The following PARP8 variants were observed in gnomAD, a reference collection of about 807,000 sequenced individuals.
PARP8 encodes the protein poly(ADP-ribose) polymerase family member 8.
A neutral mutation model predicts 124.1 loss-of-function variants in PARP8; 51 were observed. The observed-to-expected ratio is 0.41, with a 90% CI of 0.33 to 0.52. The LOEUF is 0.52. Among genes scored for constraint, PARP8 ranks in the 20% least tolerant of loss-of-function variants. The pLI, the probability that PARP8 is intolerant of heterozygous loss-of-function variation, is 0.21. For synonymous variants in PARP8, 391 were observed against 361.5 expected (o/e 1.08, Z -0.93); for missense variants, 860 against 1,018.9 (o/e 0.84, Z 2.12).
chr5:50,786,368 T>A (rs1355977568), intron 9 of PARP8, among the ~76,000 whole-genome samples: 1 of 151,836 alleles, frequency 6.6e-6, no homozygotes, highest in Non-Finnish European at 1.5e-5. Flanking sequence ...AATCTTTTTT[T>A]TTTCTTTTTT....
chr5:50,842,417 C>T lies in PARP8; in HGVS notation c.*349C>T, dbSNP rs916086868. The T allele has an allele frequency of 5.3e-6, 1 of 189,274 alleles. No individual in the cohort carries two copies. Among genetic ancestry groups the T allele is most frequent in the African/African-American group, 2.4e-5 (1 of 41,568 alleles). The allele number at this position is 189,274 out of a possible 1,614,324, so 11.7% of individuals were successfully genotyped here. A position where few individuals can be genotyped will look rare whatever the true frequency, so the allele number is the denominator to read the frequency against. On this transcript the variant is annotated 3_prime_UTR_variant, in exon 26 of 26. Coordinates refer to ENST00000281631, the MANE Select transcript of PARP8 (RefSeq NM_024615.4). The stretch of plus-strand genomic sequence containing the variant: ...ATTATATACCGACATTTTAGGTTAC[C>T]AAAATAGAATTGAGAACATTTTATA...
chr5:50,833,733 AG>A (rs952680741), intron 23 of PARP8, among the ~76,000 whole-genome samples: 4 of 152,140 alleles, frequency 2.6e-5, no homozygotes, highest in African/African-American at 9.7e-5. Flanking sequence ...CTGTGTTGTA[AG>A]ATTATTGAAC....
chr5:50,670,172 A>T (rs1749844037), intron 2 of PARP8, among the ~76,000 whole-genome samples: 1 of 152,226 alleles, frequency 6.6e-6, no homozygotes, highest in African/African-American at 2.4e-5. Flanking sequence ...CTCTTAAAAT[A>T]ATCTTGCTGT....
rs368488915 is a variant in PARP8, at chr5:50,826,736, T to G, written c.1929-19T>G. The G allele has an allele frequency of 6.3e-7, 1 of 1,577,412 alleles. No homozygotes were observed. The highest frequency in any genetic ancestry group is 1.4e-5 in the African/African-American group (1 of 72,150). On this transcript the variant is annotated intron_variant, in intron 18 of 25. Coordinates refer to ENST00000281631, the MANE Select transcript of PARP8 (RefSeq NM_024615.4). ...ATATTTGGCATGTATTTGTGACTAA[T>G]GGATCATTTTAATTTCAGGGTTATA...
In PARP8 at chr5:50,828,483, A is replaced by G. The variant is rs1746589768; in HGVS notation, c.2163+99A>G. 3.8e-6 allele frequency: 4 copies of G among 1,042,102 alleles called. No homozygotes were observed. The Admixed American group carries it at 7.8e-5, about 20-fold the overall frequency. The allele number at this position is 1,042,102 out of a possible 1,614,324, so 64.6% of individuals were successfully genotyped here. On this transcript the variant is annotated intron_variant, in intron 21 of 25. Coordinates refer to ENST00000281631, the MANE Select transcript of PARP8 (RefSeq NM_024615.4). The stretch of plus-strand genomic sequence containing the variant: ...AGGTTTAACTTGCAAAAGAGGAAGC[A>G]TGTGAGTAAGACATTATATGGAATT...
chr5:50,778,000 ATAACC>A, intron 7 of PARP8, 64 bp from the exon 8 acceptor site: 1 of 1,178,168 alleles, frequency 8.5e-7, no homozygotes, highest in South Asian at 1.4e-5. Flanking sequence ...TTTAAATAAA[ATAACC>A]TAACACACAC....
Position 50,685,972 on chromosome 5 carries a change from A to C in PARP8, c.146+17847A>C, listed in dbSNP as rs372870471. 3.4e-4 allele frequency among the ~76,000 whole-genome samples: 52 copies of C among 152,232 alleles called. 1 individual carries two copies. In the East Asian group the frequency reaches 7.2e-3, roughly 21 times the overall value. On this transcript the variant is annotated intron_variant, in intron 2 of 25. Coordinates refer to ENST00000281631, the MANE Select transcript of PARP8 (RefSeq NM_024615.4). ...TGAGATTTGGGTAGGGACACAGCCA[A>C]ACCATTCTGCCCTGGGCCCCTCCCA... is the stretch of plus-strand genomic sequence containing the variant.
At chr5:50,778,041 A>G (rs777667574) in intron 7 of PARP8, 28 bp from the exon 8 acceptor site, 3 of 1,564,316 alleles carry the variant, frequency 1.9e-6, no homozygotes, top group Non-Finnish European at 2.6e-6. Flanking sequence ...ATTAAAATGA[A>G]AAAAACAGTG....
intron 14 of PARP8, among the ~76,000 whole-genome samples, chr5:50,805,558 T>C (rs1040862624): frequency 6.6e-6 from 1 of 152,108 alleles, no homozygotes; most frequent in Non-Finnish European, 1.5e-5. Flanking sequence ...ATTTGATAAG[T>C]AGAAGGCACC....
At position 50,770,692 on chromosome 5, in the gene PARP8, C is replaced by A. The variant is rs116298745; in HGVS notation, c.519-7377C>A. Reference sequence around the variant, plus strand: ...AAAAGAAAGAAATAACGAAAGAAAGCAAGCAAAGAAAGAAAGGAGAGAGAA... The same window carrying A: ...AAAAGAAAGAAATAACGAAAGAAAGAAAGCAAAGAAAGAAAGGAGAGAGAA... On this transcript the variant is annotated intron_variant, in intron 7 of 25. Transcript: ENST00000281631. Among the ~76,000 whole-genome samples, 1,189 of 148,232 alleles carry A rather than the reference C, an allele frequency of 8.0e-3. 15 individuals carry two copies. Among genetic ancestry groups the A allele is most frequent in the African/African-American group, 0.028 (1,119 of 39,600 alleles).
At chr5:50,729,838 G>GA (rs961444359) in intron 2 of PARP8, among the ~76,000 whole-genome samples, 2 of 152,048 alleles carry the variant, frequency 1.3e-5, no homozygotes, top group Middle Eastern at 3.2e-3. Flanking sequence ...GTTTTAAAAG[G>GA]AAAAAAGTAT....
At chr5:50,781,890 T>G (rs1324645163) in intron 9 of PARP8, among the ~76,000 whole-genome samples, 1 of 152,188 alleles carries the variant, frequency 6.6e-6, no homozygotes, top group Admixed American at 6.5e-5. Context: ...TGCTTGGCTT[T>G]TTCTCTTTTC....
At chr5:50,754,338 C>T (rs1033242190) in intron 3 of PARP8, among the ~76,000 whole-genome samples, 20 of 151,490 alleles carry the variant, frequency 1.3e-4, no homozygotes, top group African/African-American at 4.9e-4. Flanking sequence ...CCCCCAGCCT[C>T]CCACCCCACA....
At position 50,779,225 on chromosome 5, in the gene PARP8, A is replaced by G. The variant is rs1740386682; in HGVS notation, c.670+575A>G. On this transcript the variant is annotated intron_variant, in intron 9 of 25. Transcript: ENST00000281631. ...CACACACATGCATGCACACACACGC[A>G]TGCACACACACACAATTGTATCTAC... 1.3e-5 allele frequency among the ~76,000 whole-genome samples: 2 copies of G among 152,002 alleles called. 1 individual carries two copies. Among genetic ancestry groups the G allele is most frequent in the South Asian group, 4.1e-4 (2 of 4,824 alleles).
In PARP8 at chr5:50,843,064, TCTG is replaced by T. The variant is rs1371673501; in HGVS notation, c.*999_*1001del. 3 of 147,522 alleles carry T rather than the reference TCTG, an allele frequency of 2.0e-5. No homozygotes were observed. The allele number at this position is 147,522 out of a possible 1,614,324, so 9.1% of individuals were successfully genotyped here. A position where few individuals can be genotyped will look rare whatever the true frequency, so the allele number is the denominator to read the frequency against. On this transcript the variant is annotated 3_prime_UTR_variant, in exon 26 of 26. Coordinates refer to ENST00000281631, the MANE Select transcript of PARP8 (RefSeq NM_024615.4). ...TTTTTATATTTGTTCATCTAATATC[TCTG>T]CTTATTTTTTTCATATTGAGAAAGA...
At chr5:50,816,795 T>C (rs1413393908) in intron 15 of PARP8, among the ~76,000 whole-genome samples, 6 of 152,174 alleles carry the variant, frequency 3.9e-5, no homozygotes. Context: ...CTTAGAGGGT[T>C]ACTAAAATAT....
intron 22 of PARP8, among the ~76,000 whole-genome samples, chr5:50,830,733 G>A (rs1746865759): frequency 6.6e-6 from 1 of 152,094 alleles, no homozygotes; most frequent in Non-Finnish European, 1.5e-5. Context: ...TACAGCTTCA[G>A]TGTTCTGTGT....
At position 50,842,141 on chromosome 5, in the gene PARP8, T is replaced by C. The variant is rs1748247752; in HGVS notation, c.*73T>C. ...AAGCTGGATTTTGAACTGAAGAAGA[T>C]TATAAAATTATTTATTGTTATTATA... On this transcript the variant is annotated 3_prime_UTR_variant, in exon 26 of 26. Coordinates refer to ENST00000281631, the MANE Select transcript of PARP8 (RefSeq NM_024615.4). 3 of 990,302 alleles carry C rather than the reference T, an allele frequency of 3.0e-6. No homozygotes were observed. The highest frequency in any genetic ancestry group is 4.5e-6 in the Non-Finnish European group (3 of 662,826). 61.3% of individuals were successfully genotyped at this position (990,302 alleles called of 1,614,324 possible).
At chr5:50,703,454 A>G (rs1305986093) in intron 2 of PARP8, among the ~76,000 whole-genome samples, 1 of 152,086 alleles carries the variant, frequency 6.6e-6, no homozygotes, top group Non-Finnish European at 1.5e-5. Context: ...CAATGAGATC[A>G]TTTCTTGGAG....
Sources: allele counts gnomAD v4.1 joint callset (sites outside exome capture counted in the v4.1 genomes callset), GRCh38; gene constraint gnomAD v4.1.1; transcripts MANE v1.5; gene names NCBI Gene and HGNC (gene_info 2026-07-23, HGNC 2026-07-21).